The following TYR variants were observed in gnomAD, a reference collection of about 807,000 sequenced individuals.
TYR encodes tyrosinase, also known as LB24-AB.
TYR carries 58 observed loss-of-function variants against 51.5 expected under a neutral mutation model. That is an observed-to-expected ratio of 1.13 (90% confidence interval 0.91 to 1.40). TYR has a LOEUF of 1.40. TYR is among the 40% of genes most tolerant of loss of function. The pLI is 0.00. For missense variants in TYR, 732 were observed against 647.4 expected, an observed-to-expected ratio of 1.13 and a Z score of -1.42; for synonymous variants, 263 against 235.2, an observed-to-expected ratio of 1.12 and a Z score of -1.08.
intron 1 of TYR, among the ~76,000 whole-genome samples, chr11:89,186,733 A>G (rs1435290097): frequency 6.6e-6 from 1 of 152,134 alleles, no homozygotes; most frequent in Non-Finnish European, 1.5e-5. Context: ...GTGTCTCCCA[A>G]AAATGTGTGT....
intron 3 of TYR, among the ~76,000 whole-genome samples, chr11:89,267,476 A>G (rs1446297697): frequency 7.2e-5 from 11 of 151,964 alleles, no homozygotes; most frequent in Non-Finnish European, 1.5e-4. Context: ...GAAGCTTTTC[A>G]TCTCCCATTT....
chr11:89,211,895 C>T (rs1943761632), intron 2 of TYR, among the ~76,000 whole-genome samples: 1 of 152,102 alleles, frequency 6.6e-6, no homozygotes, highest in East Asian at 1.9e-4. Flanking sequence ...TTCTTTAAAA[C>T]CAATTATAAC....
intron 2 of TYR, among the ~76,000 whole-genome samples, chr11:89,203,918 A>G (rs1200961859): frequency 6.6e-6 from 1 of 152,232 alleles, no homozygotes; most frequent in Non-Finnish European, 1.5e-5. Context: ...AGTCAGCAAA[A>G]GTTGACTGGG....
chr11:89,195,317 T>G (rs1371563458), intron 2 of TYR, among the ~76,000 whole-genome samples: 1 of 152,212 alleles, frequency 6.6e-6, no homozygotes. Flanking sequence ...GTTATTTAAG[T>G]AAACTCAGCT....
chr11:89,262,846 C>CTAAAAAAAAAAAAAAAA (rs1186728580), intron 3 of TYR, among the ~76,000 whole-genome samples: 1 of 34,218 alleles, frequency 2.9e-5, no homozygotes, highest in Non-Finnish European at 4.5e-5. Flanking sequence ...AGCTACTCAT[C>CTAAAAAAAAAAAAAAAA]CAAAAAAAAA....
intron 2 of TYR, among the ~76,000 whole-genome samples, chr11:89,196,986 T>C (rs554431221): frequency 1.2e-4 from 19 of 152,266 alleles, no homozygotes; most frequent in Non-Finnish European, 2.1e-4. Context: ...TCCACGTAAA[T>C]ACATAAAATG....
At chr11:89,290,665 T>C (rs1349106384) in intron 4 of TYR, among the ~76,000 whole-genome samples, 2 of 152,010 alleles carry the variant, frequency 1.3e-5, no homozygotes, top group Non-Finnish European at 2.9e-5. Flanking sequence ...TTCTAGCTAG[T>C]CAGAAAGGAA....
intron 1 of TYR, among the ~76,000 whole-genome samples, chr11:89,185,938 G>T (rs636613): frequency 8.3e-4 from 127 of 152,242 alleles, no homozygotes; most frequent in Non-Finnish European, 1.5e-3. Context: ...TTTGGTGAAG[G>T]ATTCCTGAAA....
chr11:89,222,600 A>T (rs1209333809), intron 2 of TYR, among the ~76,000 whole-genome samples: 1 of 152,102 alleles, frequency 6.6e-6, no homozygotes, highest in Non-Finnish European at 1.5e-5. Context: ...TTAGCCAGGC[A>T]TGCTGGCTTG....
chr11:89,193,981 A>G (rs927329800), intron 2 of TYR, among the ~76,000 whole-genome samples: 2 of 152,146 alleles, frequency 1.3e-5, no homozygotes, highest in Non-Finnish European at 2.9e-5. Context: ...GAATAGACTC[A>G]TATAGCCACA....
At chr11:89,194,424 G>A (rs577303329) in intron 2 of TYR, among the ~76,000 whole-genome samples, 1 of 152,268 alleles carries the variant, frequency 6.6e-6, no homozygotes, top group South Asian at 2.1e-4. Flanking sequence ...ACCTACTCCA[G>A]ATGTGGTCCA....
chr11:89,230,980 G>A (rs1235462070), intron 3 of TYR, among the ~76,000 whole-genome samples: 1 of 151,250 alleles, frequency 6.6e-6, no homozygotes, highest in Non-Finnish European at 1.5e-5. Context: ...ACACCAGCCT[G>A]GCCAACATGG....
At chr11:89,252,761 G>C (rs1565413454) in intron 3 of TYR, among the ~76,000 whole-genome samples, 1 of 151,720 alleles carries the variant, frequency 6.6e-6, no homozygotes, top group Admixed American at 6.6e-5. Context: ...GACTGTACAG[G>C]AGAATAAGAT....
chr11:89,278,791 T>G (rs542939454), intron 3 of TYR, among the ~76,000 whole-genome samples: 1 of 151,714 alleles, frequency 6.6e-6, no homozygotes, highest in East Asian at 1.9e-4. Context: ...GTACCTAATA[T>G]CTTCTTCTGC....
At chr11:89,265,976 G>T (rs1286665489) in intron 3 of TYR, among the ~76,000 whole-genome samples, 2 of 151,978 alleles carry the variant, frequency 1.3e-5, no homozygotes, top group African/African-American at 4.8e-5. Flanking sequence ...AAGTACATGG[G>T]AGGATATCTA....
Position 89,178,677 on chromosome 11 carries a change from G to C in TYR, c.724G>C (p.Glu242Gln). 1 of 1,613,826 alleles carries C rather than the reference G, an allele frequency of 6.2e-7. No individual in the cohort carries two copies. Among genetic ancestry groups the C allele is most frequent in the South Asian group, 1.1e-5 (1 of 91,072 alleles). ...TCCATATTGGGACTGGCGGGATGCA[G>C]AAAAGTGTGACATTTGCACAGATGA... ...TIPYWDWRDA[E>Q]KCDICTDEYM... The change falls in exon 1 of 5, where the codon GAA becomes CAA. Residue 242 changes from glutamate (E) to glutamine (Q), a missense_variant. Transcript: ENST00000263321.
intron 3 of TYR, among the ~76,000 whole-genome samples, chr11:89,263,515 G>A (rs1356841958): frequency 6.6e-6 from 1 of 151,870 alleles, no homozygotes; most frequent in East Asian, 1.9e-4. Flanking sequence ...TTTAAGCCAG[G>A]GCCATTAGGC....
At chr11:89,185,847 C>T (rs1943365343) in intron 1 of TYR, among the ~76,000 whole-genome samples, 1 of 151,972 alleles carries the variant, frequency 6.6e-6, no homozygotes, top group Admixed American at 6.6e-5. Context: ...TCTTAAAAGC[C>T]CTTTTTGGCT....
In TYR at chr11:89,227,939, A is replaced by G. The variant is rs1943998225; in HGVS notation, c.1153A>G (p.Ile385Val). ...GGTACAGGGATCTGCCAACGATCCT[A>G]TCTTCCTTCTTCACCATGCATTTGT... Reference protein sequence around the residue: ...SQVQGSANDPIFLLHHAFVDS... With the variant: ...SQVQGSANDPVFLLHHAFVDS... The change falls in exon 3 of 5, where the codon ATC becomes GTC. Residue 385 changes from isoleucine (I) to valine (V), a missense_variant. Transcript: ENST00000263321. 1 of 1,613,518 alleles carries G rather than the reference A, an allele frequency of 6.2e-7. No homozygotes were observed.
Sources: allele counts gnomAD v4.1 joint callset (sites outside exome capture counted in the v4.1 genomes callset), GRCh38; gene constraint gnomAD v4.1.1; transcripts MANE v1.5; gene names NCBI Gene and HGNC (gene_info 2026-07-23, HGNC 2026-07-21).